Variants in LRBA observed in about 807,000 individuals in gnomAD.
The protein encoded by LRBA is LPS responsive beige-like anchor protein.
LRBA carries 176 observed loss-of-function variants against 330.0 expected under a neutral mutation model. The ratio of observed to expected loss-of-function variants is 0.53; its 90% confidence interval spans 0.47 to 0.60. The LOEUF is 0.60. LRBA is among the 20% of genes least tolerant of loss of function. LRBA has a pLI of 0.00. For synonymous variants in LRBA, 1,230 were observed against 1,193.0 expected (o/e 1.03, Z -0.64); for missense variants, 3,259 against 3,444.8 (o/e 0.95, Z 1.35).
chr4:150,974,705 G>T (rs2149592116), intron 2 of LRBA, among the ~76,000 whole-genome samples: 1 of 152,316 alleles, frequency 6.6e-6, no homozygotes, highest in South Asian at 2.1e-4. Context: ...CTGGAAAAAG[G>T]CAGGAGAGGG....
At chr4:150,633,031 T>A (rs2126677668) in intron 37 of LRBA, among the ~76,000 whole-genome samples, 1 of 152,328 alleles carries the variant, frequency 6.6e-6, no homozygotes, top group East Asian at 1.9e-4. Flanking sequence ...AAAATTTATA[T>A]ACCCAGCGAA....
chr4:150,835,806 CG>C (rs957625802), intron 28 of LRBA, among the ~76,000 whole-genome samples: 9 of 152,120 alleles, frequency 5.9e-5, no homozygotes, highest in Admixed American at 1.3e-4. Context: ...TTTCTCCTGA[CG>C]GATTGCCCTG....
At chr4:150,631,915 T>C (rs1276379085) in intron 37 of LRBA, among the ~76,000 whole-genome samples, 1 of 152,142 alleles carries the variant, frequency 6.6e-6, no homozygotes, top group Non-Finnish European at 1.5e-5. Flanking sequence ...GATCAGAGTG[T>C]TGATTTGAGA....
chr4:150,610,591 A>G (rs1775152170), intron 37 of LRBA, among the ~76,000 whole-genome samples: 1 of 152,092 alleles, frequency 6.6e-6, no homozygotes, highest in African/African-American at 2.4e-5. Context: ...TCCCATCACA[A>G]AAAAACAAAC....
In LRBA at chr4:150,674,189, GT is replaced by G. The variant is rs34337397; in HGVS notation, c.5921+9361del. ...ATTTTTGTGGTGTTTTGGTTTTGGG[GT>G]TTTTTTTTTGCATAAAAATGAATTT... On this transcript the variant is annotated intron_variant, in intron 37 of 56. Coordinates refer to ENST00000651943, the MANE Select transcript of LRBA (RefSeq NM_001364905.1). Among the ~76,000 whole-genome samples, 1,200 of 146,958 alleles carry G rather than the reference GT, an allele frequency of 8.2e-3. 9 individuals carry two copies. Among genetic ancestry groups the G allele is most frequent in the African/African-American group, 0.018 (743 of 40,240 alleles).
chr4:150,501,601 T>A (rs1295929046), intron 40 of LRBA, among the ~76,000 whole-genome samples: 2 of 147,258 alleles, frequency 1.4e-5, no homozygotes. Flanking sequence ...CAAGACCCCA[T>A]CTCAAAAAAA....
intron 44 of LRBA, among the ~76,000 whole-genome samples, chr4:150,467,031 C>T (rs986943296): frequency 1.3e-5 from 2 of 152,040 alleles, no homozygotes; most frequent in African/African-American, 4.8e-5. Flanking sequence ...ACTAGAGTGC[C>T]TGGTCATACC....
At chr4:150,544,017 T>C (rs772643814) in intron 40 of LRBA, among the ~76,000 whole-genome samples, 8 of 152,230 alleles carry the variant, frequency 5.3e-5, no homozygotes, top group Non-Finnish European at 8.8e-5. Context: ...TGCTCTTCAG[T>C]AGTCTCCACT....
At chr4:150,978,153 G>C (rs1316088877) in intron 2 of LRBA, among the ~76,000 whole-genome samples, 2 of 152,228 alleles carry the variant, frequency 1.3e-5, no homozygotes, top group Non-Finnish European at 2.9e-5. Context: ...AGGTGCTTGT[G>C]TCTCCCTACA....
At chr4:150,590,600 T>G (rs1581759502) in intron 39 of LRBA, 113 bp downstream of exon 39, 1 of 836,986 alleles carries the variant, frequency 1.2e-6, no homozygotes, top group Non-Finnish European at 1.9e-6. Flanking sequence ...AACCAATTAA[T>G]GTAATTGTGG....
intron 56 of LRBA, among the ~76,000 whole-genome samples, chr4:150,275,217 C>T (rs543591340): frequency 9.2e-5 from 14 of 152,088 alleles, no homozygotes; most frequent in African/African-American, 3.4e-4. Flanking sequence ...AGGCCTTCAA[C>T]AAAATTCACC....
intron 40 of LRBA, among the ~76,000 whole-genome samples, chr4:150,554,791 T>C (rs1287126331): frequency 3.9e-5 from 6 of 152,174 alleles, no homozygotes. Context: ...TCAGGAATGT[T>C]ATCTTTAGTA....
chr4:150,675,444 C>T (rs1056591217), intron 37 of LRBA, among the ~76,000 whole-genome samples: 4 of 152,070 alleles, frequency 2.6e-5, no homozygotes, highest in South Asian at 2.1e-4. Context: ...CAGGGCTGGG[C>T]GCGGTGGCTC....
intron 35 of LRBA, among the ~76,000 whole-genome samples, chr4:150,752,568 C>G (rs1044200688): frequency 6.6e-6 from 1 of 152,000 alleles, no homozygotes. Flanking sequence ...GTAGTAGCCA[C>G]TTTTTCTGGA....
intron 34 of LRBA, among the ~76,000 whole-genome samples, chr4:150,771,498 T>C (rs549197399): frequency 6.6e-6 from 1 of 152,310 alleles, no homozygotes; most frequent in Non-Finnish European, 1.5e-5. Flanking sequence ...TAAAGCATTC[T>C]GTGAATCCAC....
intron 2 of LRBA, among the ~76,000 whole-genome samples, chr4:150,992,491 A>G (rs1281518652): frequency 1.3e-5 from 2 of 152,184 alleles, no homozygotes; most frequent in Non-Finnish European, 2.9e-5. Context: ...GCCATACATG[A>G]TAAGATTTGT....
intron 47 of LRBA, among the ~76,000 whole-genome samples, chr4:150,393,903 T>C (rs954319875): frequency 1.3e-5 from 2 of 152,230 alleles, no homozygotes; most frequent in Non-Finnish European, 2.9e-5. Context: ...GACTTTATAA[T>C]TGCAGACACT....
chr4:150,883,337 G>GT (rs1728609400), intron 17 of LRBA, among the ~76,000 whole-genome samples: 1 of 152,064 alleles, frequency 6.6e-6, no homozygotes, highest in South Asian at 2.1e-4. Context: ...GTGGGCGCCT[G>GT]TAATACCAGC....
chr4:150,726,375 C>A (rs1256995343), intron 36 of LRBA, among the ~76,000 whole-genome samples: 1 of 151,970 alleles, frequency 6.6e-6, no homozygotes, highest in African/African-American at 2.4e-5. Context: ...GATTTCAAGA[C>A]AAAAATTGTA....
Sources: allele counts gnomAD v4.1 joint callset (sites outside exome capture counted in the v4.1 genomes callset), GRCh38; gene constraint gnomAD v4.1.1; transcripts MANE v1.5; gene names NCBI Gene and HGNC (gene_info 2026-07-23, HGNC 2026-07-21).